Variants in HSDL2 observed in about 807,000 individuals in gnomAD.
HSDL2 encodes hydroxysteroid dehydrogenase like 2, also known as hydroxysteroid dehydrogenase-like protein 2.
Under a neutral mutation model 46.3 loss-of-function variants are expected in HSDL2, and 27 were observed. The observed-to-expected ratio is 0.58, with a 90% CI of 0.43 to 0.80. The LOEUF is 0.80. HSDL2 is among the 30% of genes least tolerant of loss of function. The pLI is 0.00. For synonymous variants in HSDL2, 153 were observed against 163.6 expected (o/e 0.94, Z 0.50); for missense variants, 451 against 502.7 (o/e 0.90, Z 0.98).
At chr9:112,380,313 G>A in intron 1 of HSDL2, 133 bp downstream of exon 1, 1 of 796,028 alleles carries the variant, frequency 1.3e-6, no homozygotes, top group Admixed American at 3.1e-5. Context: ...CACGCTCTGA[G>A]CTCTGGTCCG....
At chr9:112,381,075 G>A (rs911450110) in intron 1 of HSDL2, among the ~76,000 whole-genome samples, 2 of 77,522 alleles carry the variant, frequency 2.6e-5, no homozygotes, top group Admixed American at 1.4e-4. Context: ...AACATAATTT[G>A]TATACATCCG....
chr9:112,469,295 C>G (rs1387622823), intron 10 of HSDL2, among the ~76,000 whole-genome samples: 2 of 151,826 alleles, frequency 1.3e-5, no homozygotes, highest in Admixed American at 6.6e-5. Flanking sequence ...GTGTGGGGCA[C>G]AGGGGTGGGG....
intron 6 of HSDL2, among the ~76,000 whole-genome samples, chr9:112,431,600 C>T (rs1333760948): frequency 6.6e-6 from 1 of 152,114 alleles, no homozygotes; most frequent in Admixed American, 6.6e-5. Context: ...CAGCTTTCTC[C>T]TGAACGGTTT....
At chr9:112,466,932 T>C (rs924890654) in intron 10 of HSDL2, among the ~76,000 whole-genome samples, 1 of 152,220 alleles carries the variant, frequency 6.6e-6, no homozygotes, top group Non-Finnish European at 1.5e-5. Flanking sequence ...TAGACTGTTC[T>C]TTCCTGTGTT....
At chr9:112,408,409 T>C (rs1831782797) in intron 3 of HSDL2, among the ~76,000 whole-genome samples, 1 of 152,202 alleles carries the variant, frequency 6.6e-6, no homozygotes, top group Admixed American at 6.5e-5. Context: ...ATGCAGGTGC[T>C]ATTTTGAAAT....
At chr9:112,400,573 C>G (rs1831567659) in intron 1 of HSDL2, among the ~76,000 whole-genome samples, 1 of 152,242 alleles carries the variant, frequency 6.6e-6, no homozygotes, top group Non-Finnish European at 1.5e-5. Context: ...TGCCACTGCA[C>G]TCCATCCTGG....
chr9:112,472,151 AG>A lies in HSDL2; in HGVS notation c.*1610del, dbSNP rs1161724845. 6 of 152,270 alleles carry A rather than the reference AG, an allele frequency of 3.9e-5. No homozygotes were observed. Among genetic ancestry groups the A allele is most frequent in the Admixed American group, 3.9e-4 (6 of 15,286 alleles). 9.4% of individuals were successfully genotyped at this position (152,270 alleles called of 1,614,324 possible). The stretch of plus-strand genomic sequence containing the variant: ...CAGGAGATTCACAGCAACTGATCAA[AG>A]GGAGTCCAGTCAACGTGAGCAAGCG... On this transcript the variant is annotated 3_prime_UTR_variant, in exon 11 of 11. Transcript: ENST00000398805.
chr9:112,430,367 G>A (rs1011905891), intron 6 of HSDL2, among the ~76,000 whole-genome samples: 4 of 152,172 alleles, frequency 2.6e-5, no homozygotes, highest in African/African-American at 9.6e-5. Flanking sequence ...GCCAGAGTGA[G>A]GGAAGAGGAG....
At chr9:112,438,190 A>G (rs961499488) in intron 6 of HSDL2, among the ~76,000 whole-genome samples, 26 of 152,228 alleles carry the variant, frequency 1.7e-4, no homozygotes, top group Admixed American at 1.7e-3. Flanking sequence ...GTGAGCGGAG[A>G]TCACGCCATT....
At chr9:112,439,764 G>T (rs1832601265) in intron 7 of HSDL2, among the ~76,000 whole-genome samples, 1 of 152,238 alleles carries the variant, frequency 6.6e-6, no homozygotes, top group Non-Finnish European at 1.5e-5. Context: ...TGTACGGAAA[G>T]TAATGCTTAG....
intron 10 of HSDL2, among the ~76,000 whole-genome samples, chr9:112,463,707 C>T (rs1833284328): frequency 7.2e-6 from 1 of 139,182 alleles, no homozygotes; most frequent in African/African-American, 2.7e-5. Flanking sequence ...CTCTCCTAGG[C>T]TGGAGTGCAG....
intron 8 of HSDL2, among the ~76,000 whole-genome samples, chr9:112,453,681 C>T (rs956188260): frequency 2.0e-5 from 3 of 152,162 alleles, no homozygotes; most frequent in African/African-American, 7.2e-5. Context: ...GCATGAGCCG[C>T]CACGCCCAGC....
chr9:112,390,600 A>T (rs1831319502), intron 1 of HSDL2, among the ~76,000 whole-genome samples: 1 of 151,886 alleles, frequency 6.6e-6, no homozygotes. Flanking sequence ...CTACAGGTGC[A>T]CACCAATACA....
intron 8 of HSDL2, among the ~76,000 whole-genome samples, chr9:112,451,201 AATAG>A (rs544540568): frequency 3.9e-5 from 6 of 152,218 alleles, no homozygotes; most frequent in Admixed American, 3.9e-4. Context: ...GACCAAAAAA[AATAG>A]ATAAATATTG....
intron 10 of HSDL2, among the ~76,000 whole-genome samples, chr9:112,466,882 T>A: frequency 6.6e-6 from 1 of 152,332 alleles, no homozygotes; most frequent in East Asian, 1.9e-4. Context: ...TTCATTCTTT[T>A]GTATGTGGAT....
intron 10 of HSDL2, among the ~76,000 whole-genome samples, chr9:112,467,896 G>C (rs532036236): frequency 1.3e-5 from 2 of 152,214 alleles, no homozygotes; most frequent in East Asian, 3.9e-4. Context: ...CTCCTGCACT[G>C]AATCTCCTGT....
chr9:112,388,755 GA>G (rs200132712), intron 1 of HSDL2, among the ~76,000 whole-genome samples: 19 of 145,246 alleles, frequency 1.3e-4, no homozygotes, highest in Admixed American at 2.1e-4. Context: ...CTCCATCTTG[GA>G]AAAAAAAAAG....
In HSDL2 at chr9:112,427,936, T is replaced by G. The variant is rs80292593; in HGVS notation, c.598+8978T>G. ...AGTGTATGTCTAGGTTGGTAGAAGTTAGGTTTTAAAAGCATATTTAATCCA... is the reference window on the plus strand; with the variant it reads ...AGTGTATGTCTAGGTTGGTAGAAGTGAGGTTTTAAAAGCATATTTAATCCA... On this transcript the variant is annotated intron_variant, in intron 6 of 10. Transcript: ENST00000398805. 7.9e-4 allele frequency among the ~76,000 whole-genome samples: 120 copies of G among 152,344 alleles called. No homozygotes were observed. In the East Asian group the frequency reaches 0.021, roughly 27 times the overall value.
intron 4 of HSDL2, among the ~76,000 whole-genome samples, chr9:112,409,762 A>G (rs1831818388): frequency 6.6e-6 from 1 of 152,024 alleles, no homozygotes; most frequent in African/African-American, 2.4e-5. Flanking sequence ...CTGAGGCAAG[A>G]GGATCCCTTG....
Sources: allele counts gnomAD v4.1 joint callset (sites outside exome capture counted in the v4.1 genomes callset), GRCh38; gene constraint gnomAD v4.1.1; transcripts MANE v1.5; gene names NCBI Gene and HGNC (gene_info 2026-07-23, HGNC 2026-07-21).